Variants in MEMO1 observed in about 807,000 individuals in gnomAD.
MEMO1 encodes mediator of cell motility 1, also known as protein MEMO1.
A neutral mutation model predicts 45.2 loss-of-function variants in MEMO1; 6 were observed. That is an observed-to-expected ratio of 0.13 (90% CI 0.07 to 0.26). The LOEUF is 0.26. Ranked by LOEUF, MEMO1 falls within the 10% of genes least tolerant of loss-of-function variation. The pLI is 1.00. For missense variants in MEMO1, 184 were observed against 370.5 expected (o/e 0.50, Z 4.13); for synonymous variants, 78 against 124.3 (o/e 0.63, Z 2.48).
intron 2 of MEMO1, among the ~76,000 whole-genome samples, chr2:31,980,261 C>G (rs149854904): frequency 6.6e-6 from 1 of 152,100 alleles, no homozygotes; most frequent in East Asian, 1.9e-4. Flanking sequence ...GCAAGACCCC[C>G]AACTCTACAG....
intron 4 of MEMO1, among the ~76,000 whole-genome samples, chr2:31,930,562 T>C (rs1664026860): frequency 6.6e-6 from 1 of 152,004 alleles, no homozygotes. Context: ...TAGAGGAAGG[T>C]TTCAAAAAGA....
chr2:31,955,062 G>A (rs985206256), intron 2 of MEMO1, among the ~76,000 whole-genome samples: 1 of 151,946 alleles, frequency 6.6e-6, no homozygotes, highest in African/African-American at 2.4e-5. Context: ...GCAACATGGT[G>A]AAACCCCATC....
In MEMO1 at chr2:31,918,149, C is replaced by A; in HGVS notation, c.326-112G>T. On this transcript the variant is annotated intron_variant, in intron 5 of 9. Coordinates refer to ENST00000404530, the MANE Select transcript of MEMO1 (RefSeq NM_001301833.4). Reference sequence around the variant, plus strand: ...TGCTTTTTGGCAAGAGACAGAAACACCATATAATATTCTCATTTTTATTAA... The same window carrying A: ...TGCTTTTTGGCAAGAGACAGAAACAACATATAATATTCTCATTTTTATTAA... The A allele has an allele frequency of 9.7e-6, 5 of 515,808 alleles. No individual in the cohort carries two copies. The South Asian group carries it at 1.4e-4, about 15-fold the overall frequency. 32.0% of individuals were successfully genotyped at this position (515,808 alleles called of 1,614,324 possible). A position where few individuals can be genotyped will look rare whatever the true frequency, so the allele number is the denominator to read the frequency against.
intron 2 of MEMO1, among the ~76,000 whole-genome samples, chr2:31,989,676 A>G (rs1671702818): frequency 1.3e-5 from 2 of 152,222 alleles, no homozygotes; most frequent in Admixed American, 6.5e-5. Flanking sequence ...GTACATCTTG[A>G]TTGTGTTGAC....
intron 8 of MEMO1, among the ~76,000 whole-genome samples, chr2:31,873,008 T>C (rs979414521): frequency 1.3e-5 from 2 of 152,174 alleles, no homozygotes; most frequent in Non-Finnish European, 2.9e-5. Context: ...GAGATTACTA[T>C]TAGGAAAATT....
At chr2:31,957,071 G>C (rs1261116111) in intron 2 of MEMO1, among the ~76,000 whole-genome samples, 6 of 151,910 alleles carry the variant, frequency 3.9e-5, no homozygotes, top group African/African-American at 1.2e-4. Flanking sequence ...GAACCAGGGA[G>C]GTGGAGATTG....
intron 2 of MEMO1, 135 bp from the exon 3 acceptor site, chr2:31,943,518 T>C (rs1665857781): frequency 1.4e-6 from 1 of 692,316 alleles, no homozygotes; most frequent in Non-Finnish European, 2.6e-6. Flanking sequence ...AGTTGGGATG[T>C]TAATGTTTGA....
At chr2:31,966,823 C>T (rs1375555503) in intron 2 of MEMO1, among the ~76,000 whole-genome samples, 3 of 151,776 alleles carry the variant, frequency 2.0e-5, no homozygotes, top group African/African-American at 4.8e-5. Flanking sequence ...TGAGTAAACA[C>T]TGCCACATTT....
At chr2:31,878,559 T>C (rs1001635394) in intron 8 of MEMO1, among the ~76,000 whole-genome samples, 4 of 152,082 alleles carry the variant, frequency 2.6e-5, no homozygotes, top group African/African-American at 9.7e-5. Context: ...GAATTCCGTT[T>C]GGAATATGTT....
intron 2 of MEMO1, among the ~76,000 whole-genome samples, chr2:31,945,498 G>C (rs919172900): frequency 3.9e-5 from 6 of 152,106 alleles, no homozygotes; most frequent in Non-Finnish European, 7.3e-5. Context: ...TTTAAAATAA[G>C]AGGCCTAATT....
intron 8 of MEMO1, among the ~76,000 whole-genome samples, chr2:31,874,906 A>C (rs1674340477): frequency 7.0e-6 from 1 of 142,238 alleles, no homozygotes; most frequent in Non-Finnish European, 1.5e-5. Flanking sequence ...AGTCTGCCTA[A>C]CAGCAAGTGT....
At chr2:31,999,081 C>A (rs765648381) in intron 2 of MEMO1, among the ~76,000 whole-genome samples, 18 of 152,168 alleles carry the variant, frequency 1.2e-4, no homozygotes, top group Non-Finnish European at 1.6e-4. Context: ...GCACTCCATA[C>A]TTCAAGTATG....
chr2:32,007,481 T>C (rs1378129253), intron 2 of MEMO1, among the ~76,000 whole-genome samples: 1 of 152,194 alleles, frequency 6.6e-6, no homozygotes, highest in East Asian at 1.9e-4. Flanking sequence ...ATCTAGCATA[T>C]AACAAGGGAT....
intron 3 of MEMO1, among the ~76,000 whole-genome samples, chr2:31,935,735 C>A (rs1453800761): frequency 2.0e-5 from 3 of 152,124 alleles, no homozygotes. Context: ...TACAGATGCT[C>A]TTTTCCTAAT....
chr2:31,965,152 A>G (rs963388819), intron 2 of MEMO1, among the ~76,000 whole-genome samples: 7 of 151,584 alleles, frequency 4.6e-5, no homozygotes, highest in Non-Finnish European at 7.4e-5. Context: ...GGCAGAGGTT[A>G]TAGTGAGCCA....
chr2:31,965,534 A>G (rs1206400840), intron 2 of MEMO1, among the ~76,000 whole-genome samples: 1 of 152,200 alleles, frequency 6.6e-6, no homozygotes, highest in Admixed American at 6.5e-5. Context: ...AAATGAGAAC[A>G]AAGTAAATAT....
rs146279643 is a variant in MEMO1, at chr2:31,935,210, C to T, written c.144-3075G>A. ...CAAGTCAGGACTTCAGCCAGGACTGCCTGGCTCTAGAATACATACTGTTAC... is the reference window on the plus strand; with the variant it reads ...CAAGTCAGGACTTCAGCCAGGACTGTCTGGCTCTAGAATACATACTGTTAC... On this transcript the variant is annotated intron_variant, in intron 3 of 9. Transcript: ENST00000404530. Among the ~76,000 whole-genome samples, 1,245 of 152,172 alleles carry T rather than the reference C, an allele frequency of 8.2e-3. 18 individuals are homozygous for T. The highest frequency in any genetic ancestry group is 0.012 in the Non-Finnish European group (838 of 68,000).
intron 6 of MEMO1, among the ~76,000 whole-genome samples, chr2:31,909,937 T>C (rs1180941166): frequency 6.6e-6 from 1 of 151,996 alleles, no homozygotes; most frequent in African/African-American, 2.4e-5. Context: ...AGGTATATTA[T>C]ATTAAAACTG....
At chr2:31,895,580 G>T (rs1193370807) in intron 6 of MEMO1, among the ~76,000 whole-genome samples, 1 of 152,034 alleles carries the variant, frequency 6.6e-6, no homozygotes, top group Non-Finnish European at 1.5e-5. Context: ...TAACCAATCA[G>T]AACAGAGAAA....
Sources: gnomAD v4.1 joint callset for allele counts (sites outside exome capture counted in the v4.1 genomes callset) on GRCh38, gnomAD v4.1.1 for gene constraint, MANE v1.5 for transcripts, NCBI Gene and HGNC (gene_info 2026-07-23, HGNC 2026-07-21) for gene names.